The following SFMBT1 variants were observed in gnomAD, a reference collection of about 807,000 sequenced individuals.
SFMBT1 encodes the protein scm-like with four MBT domains protein 1.
In SFMBT1, 32 loss-of-function variants were observed where a neutral mutation model predicts 108.7. The observed-to-expected ratio is 0.29, with a 90% CI of 0.22 to 0.40. The LOEUF is 0.40. SFMBT1 is among the 10% of genes least tolerant of loss of function. The pLI, the probability that SFMBT1 is intolerant of heterozygous loss-of-function variation, is 1.00. For synonymous variants in SFMBT1, 348 were observed against 369.5 expected, an observed-to-expected ratio of 0.94 and a Z score of 0.67; for missense variants, 816 against 1,059.6, an observed-to-expected ratio of 0.77 and a Z score of 3.19.
chr3:52,952,060 C>T (rs1703612315), intron 3 of SFMBT1, among the ~76,000 whole-genome samples: 1 of 152,148 alleles, frequency 6.6e-6, no homozygotes, highest in Non-Finnish European at 1.5e-5. Context: ...ACACGGAAAA[C>T]TAAAAATAGT....
At chr3:52,978,553 C>T (rs907589665) in intron 1 of SFMBT1, among the ~76,000 whole-genome samples, 9 of 152,156 alleles carry the variant, frequency 5.9e-5, no homozygotes, top group Admixed American at 3.3e-4. Flanking sequence ...GGAAAACAGT[C>T]TGGCAGTTCC....
intron 1 of SFMBT1, among the ~76,000 whole-genome samples, chr3:53,040,727 A>G (rs987548203): frequency 2.0e-5 from 3 of 152,094 alleles, no homozygotes; most frequent in Non-Finnish European, 4.4e-5. Context: ...GGCTCACTGA[A>G]GTTACTCAAC....
intron 8 of SFMBT1, among the ~76,000 whole-genome samples, chr3:52,929,126 T>C (rs1702778911): frequency 6.6e-6 from 1 of 152,240 alleles, no homozygotes; most frequent in African/African-American, 2.4e-5. Context: ...CCATGTAGTT[T>C]GGCTCCAAAC....
intron 1 of SFMBT1, among the ~76,000 whole-genome samples, chr3:52,990,777 G>A (rs1057339293): frequency 1.3e-5 from 2 of 152,086 alleles, no homozygotes; most frequent in Admixed American, 1.3e-4. Context: ...AAGGAGTTTT[G>A]GCCTTGGGAA....
Position 52,907,141 on chromosome 3 carries a change from A to G in SFMBT1, c.2259T>C (p.Asp753=). The change falls in exon 19 of 21, where the codon GAT becomes GAC. Residue 753 remains aspartate, a synonymous_variant. Coordinates refer to ENST00000394752, the MANE Select transcript of SFMBT1 (RefSeq NM_016329.4). Reference sequence around the variant, plus strand: ...GAAGCTCCCTTTTTCTCCTTTGTCTATCTGGAGGCAGCGATGTGGATATCT... The same window carrying G: ...GAAGCTCCCTTTTTCTCCTTTGTCTGTCTGGAGGCAGCGATGTGGATATCT... ...QSEISTSLPP[D]RQRRKRELRT... The G allele has an allele frequency of 1.1e-5, 17 of 1,614,198 alleles. No homozygotes were observed. Among genetic ancestry groups the G allele is most frequent in the South Asian group, 1.1e-5 (1 of 91,078 alleles).
chr3:53,040,610 A>AG (rs894266768), intron 1 of SFMBT1, among the ~76,000 whole-genome samples: 3 of 151,052 alleles, frequency 2.0e-5, no homozygotes, highest in African/African-American at 7.4e-5. Context: ...CCAATGCACC[A>AG]GACCAGTATG....
intron 1 of SFMBT1, among the ~76,000 whole-genome samples, chr3:52,974,883 T>C (rs975391014): frequency 4.0e-5 from 6 of 149,612 alleles, no homozygotes; most frequent in Admixed American, 2.7e-4. Context: ...GGCACATGCT[T>C]GTAATCCCAC....
chr3:52,947,629 TCA>T (rs1372241149), intron 3 of SFMBT1, among the ~76,000 whole-genome samples: 1 of 152,182 alleles, frequency 6.6e-6, no homozygotes, highest in Non-Finnish European at 1.5e-5. Context: ...AACATTTTTC[TCA>T]TTTTCACTAT....
intron 1 of SFMBT1, chr3:53,018,158 G>A (rs1194949674): frequency 1.4e-4 from 21 of 152,200 alleles, no homozygotes; most frequent in Admixed American, 1.4e-3. Flanking sequence ...TTGAACCAGG[G>A]GAGGTGGAGG....
chr3:52,921,933 T>G (rs1702531296), intron 10 of SFMBT1, 102 bp from the exon 11 acceptor site: 1 of 1,130,654 alleles, frequency 8.8e-7, no homozygotes, highest in Non-Finnish European at 1.3e-6. Flanking sequence ...TCCCTAGGTT[T>G]AAAGATAACA....
At chr3:52,991,875 G>A (rs1705145830) in intron 1 of SFMBT1, among the ~76,000 whole-genome samples, 1 of 152,178 alleles carries the variant, frequency 6.6e-6, no homozygotes, top group African/African-American at 2.4e-5. Context: ...CTCCAGAATA[G>A]TGAGAAAATA....
chr3:52,936,914 GAC>G (rs1271437655), intron 4 of SFMBT1, among the ~76,000 whole-genome samples: 2 of 107,892 alleles, frequency 1.9e-5, no homozygotes, highest in African/African-American at 7.4e-5. Flanking sequence ...TTTTTTTTGA[GAC>G]AGAGTCTTGC....
intron 1 of SFMBT1, chr3:53,045,000 G>A (rs1446617727): frequency 6.6e-6 from 1 of 152,328 alleles, no homozygotes. Context: ...GCTCCGCACA[G>A]AGCAGGCCTT....
intron 1 of SFMBT1, among the ~76,000 whole-genome samples, chr3:53,030,824 T>C (rs1247528874): frequency 6.6e-6 from 1 of 152,080 alleles, no homozygotes; most frequent in Non-Finnish European, 1.5e-5. Flanking sequence ...TAATATGAAA[T>C]GCTAATCATA....
chr3:52,906,945 A>AC, intron 19 of SFMBT1, 124 bp downstream of exon 19: 1 of 1,252,046 alleles, frequency 8.0e-7, no homozygotes, highest in Middle Eastern at 2.8e-4. Context: ...TTTACAAGAG[A>AC]CCCTGGAAAT....
intron 17 of SFMBT1, 149 bp from the exon 18 acceptor site, chr3:52,907,882 G>A: frequency 1.4e-6 from 1 of 736,872 alleles, no homozygotes; most frequent in Non-Finnish European, 2.2e-6. Context: ...CAGATCTGAA[G>A]TGCACGGTTT....
chr3:52,971,944 G>C (rs1306682682), intron 1 of SFMBT1, among the ~76,000 whole-genome samples: 2 of 152,226 alleles, frequency 1.3e-5, no homozygotes, highest in Non-Finnish European at 2.9e-5. Flanking sequence ...GAAGAGAAGG[G>C]ATAACAGCAA....
In SFMBT1 at chr3:52,907,640, C is replaced by T; in HGVS notation, c.2000G>A (p.Arg667Lys). The T allele has an allele frequency of 6.2e-7, 1 of 1,614,220 alleles. No individual in the cohort carries two copies. The highest frequency in any genetic ancestry group is 8.5e-7 in the Non-Finnish European group (1 of 1,180,040). The change falls in exon 18 of 21, where the codon AGG (arginine) becomes AAG (lysine). Residue 667 changes from arginine to lysine, a missense_variant. Arg to Lys is a conservative substitution (Grantham distance 26, BLOSUM62 2). Around this residue, in one of 5 missense-constraint regions of SFMBT1, gnomAD observed 177 missense variants for 182.0 expected, o/e 0.97. Coordinates refer to ENST00000394752, the MANE Select transcript of SFMBT1 (RefSeq NM_016329.4). ...AAAAACATTTTTCCGCCTCTTTCTC[C>T]TCTTACTGGCTTTTTTCAGGGCACA... ...LACALKKASK[R>K]RKRRKNVFVH...
rs377398016 is a variant in SFMBT1 at position 52,908,628 on chromosome 3, G to T, written c.1907-895C>A. ...CTGTCACCCAGGCTGGAGTGCAGTG[G>T]CGTGATCTTGGCTCACTGCAACCTC... On this transcript the variant is annotated intron_variant, in intron 17 of 20. Coordinates refer to ENST00000394752, the MANE Select transcript of SFMBT1 (RefSeq NM_016329.4). Among the ~76,000 whole-genome samples the T allele has an allele frequency of 5.0e-4, 76 of 152,198 alleles. 1 individual carries two copies. The East Asian group carries it at 9.7e-3, about 19-fold the overall frequency.
Sources: allele counts gnomAD v4.1 joint callset (sites outside exome capture counted in the v4.1 genomes callset), GRCh38; gene constraint gnomAD v4.1.1; regional missense constraint gnomAD v4.1.1; transcripts MANE v1.5; gene names NCBI Gene and HGNC (gene_info 2026-07-23, HGNC 2026-07-21).